Variants in CDH12 observed in about 807,000 individuals in gnomAD.
The protein encoded by CDH12 is cadherin-12.
A neutral mutation model predicts 74.1 loss-of-function variants in CDH12; 41 were observed. The ratio of observed to expected loss-of-function variants is 0.55; its 90% CI spans 0.43 to 0.72. The LOEUF (loss-of-function observed/expected upper bound fraction) is 0.72, where lower values mean the gene tolerates loss of function less well. CDH12 is among the 30% of genes least tolerant of loss of function. The pLI, the probability that CDH12 is intolerant of heterozygous loss-of-function variation, is 0.00. For missense variants in CDH12, 945 were observed against 977.2 expected (o/e 0.97, Z 0.44); for synonymous variants, 399 against 355.0 (o/e 1.12, Z -1.39).
At chr5:22,326,682 GT>G (rs1739122795) in intron 3 of CDH12, among the ~76,000 whole-genome samples, 1 of 152,148 alleles carries the variant, frequency 6.6e-6, no homozygotes, top group Non-Finnish European at 1.5e-5. Flanking sequence ...AGGAAGAAAT[GT>G]TTCCTTTCAC....
intron 3 of CDH12, among the ~76,000 whole-genome samples, chr5:22,224,359 G>C (rs540135192): frequency 6.6e-6 from 1 of 152,074 alleles, no homozygotes; most frequent in South Asian, 2.1e-4. Context: ...ATTATGATAT[G>C]AACAAACACA....
intron 2 of CDH12, among the ~76,000 whole-genome samples, chr5:22,419,297 T>TCAAGA (rs1743533878): frequency 6.6e-6 from 1 of 152,088 alleles, no homozygotes; most frequent in Non-Finnish European, 1.5e-5. Flanking sequence ...GTCTTGATGA[T>TCAAGA]CTCCCTTCCC....
intron 3 of CDH12, among the ~76,000 whole-genome samples, chr5:22,291,044 G>T (rs1454225025): frequency 1.3e-5 from 2 of 151,998 alleles, no homozygotes; most frequent in Non-Finnish European, 1.5e-5. Flanking sequence ...TTTATTCCAG[G>T]GATGCGAGGA....
chr5:22,533,449 G>T (rs1459955572), intron 1 of CDH12, among the ~76,000 whole-genome samples: 2 of 152,114 alleles, frequency 1.3e-5, no homozygotes, highest in Non-Finnish European at 2.9e-5. Flanking sequence ...CAAGAGACTT[G>T]TTTTCTATAT....
At chr5:21,944,991 T>C (rs2150094146) in intron 6 of CDH12, among the ~76,000 whole-genome samples, 1 of 152,188 alleles carries the variant, frequency 6.6e-6, no homozygotes, top group Non-Finnish European at 1.5e-5. Context: ...TAGGGAACCA[T>C]CTACGAAATA....
At chr5:22,278,463 C>A (rs1002646275) in intron 3 of CDH12, among the ~76,000 whole-genome samples, 2 of 152,010 alleles carry the variant, frequency 1.3e-5, no homozygotes, top group African/African-American at 4.8e-5. Context: ...TGCTGAGTTA[C>A]ACAAATGACA....
chr5:21,757,967 G>A (rs16888466), intron 13 of CDH12, among the ~76,000 whole-genome samples: 5,297 of 152,140 alleles, frequency 0.035, 112 homozygotes, highest in Middle Eastern at 0.071. Context: ...AATGACATCT[G>A]AACTAGTTTT....
intron 2 of CDH12, among the ~76,000 whole-genome samples, chr5:22,471,259 G>A (rs946967182): frequency 1.3e-5 from 2 of 152,030 alleles, no homozygotes; most frequent in Non-Finnish European, 2.9e-5. Context: ...CAATCGACAA[G>A]CTCTCTGCAG....
chr5:22,597,357 G>C (rs1561517844), intron 1 of CDH12, among the ~76,000 whole-genome samples: 1 of 152,096 alleles, frequency 6.6e-6, no homozygotes. Context: ...ATTTTAACCA[G>C]GCTCCACATA....
intron 4 of CDH12, among the ~76,000 whole-genome samples, chr5:22,177,054 T>C (rs1580361209): frequency 6.6e-6 from 1 of 152,200 alleles, no homozygotes; most frequent in Non-Finnish European, 1.5e-5. Flanking sequence ...GTATTTATGA[T>C]AACCTGACAT....
intron 7 of CDH12, among the ~76,000 whole-genome samples, chr5:21,848,190 G>C (rs188618552): frequency 6.6e-6 from 1 of 152,158 alleles, no homozygotes; most frequent in East Asian, 1.9e-4. Flanking sequence ...GGGTATTATA[G>C]CTATTGTATC....
intron 3 of CDH12, among the ~76,000 whole-genome samples, chr5:22,338,575 T>A (rs921185415): frequency 2.6e-5 from 4 of 152,242 alleles, no homozygotes; most frequent in African/African-American, 9.6e-5. Flanking sequence ...AACTAAAAGT[T>A]TTTTTGTAAC....
intron 2 of CDH12, among the ~76,000 whole-genome samples, chr5:22,492,683 A>G (rs1746931884): frequency 6.6e-6 from 1 of 152,014 alleles, no homozygotes; most frequent in Admixed American, 6.6e-5. Flanking sequence ...TTGTTTATTC[A>G]TTCCTCTATG....
intron 1 of CDH12, among the ~76,000 whole-genome samples, chr5:22,794,855 T>C (rs796403341): frequency 2.6e-5 from 4 of 152,228 alleles, no homozygotes; most frequent in African/African-American, 9.6e-5. Context: ...ACAAGTGTTC[T>C]AATAAAAGAA....
intron 1 of CDH12, among the ~76,000 whole-genome samples, chr5:22,566,033 A>G (rs1302018719): frequency 6.6e-6 from 1 of 152,060 alleles, no homozygotes; most frequent in African/African-American, 2.4e-5. Context: ...AATTTTCCCT[A>G]TTTGTGAATT....
At chr5:22,003,527 C>T (rs1462738569) in intron 5 of CDH12, among the ~76,000 whole-genome samples, 1 of 152,156 alleles carries the variant, frequency 6.6e-6, no homozygotes, top group Admixed American at 6.5e-5. Context: ...ATGGAAATTA[C>T]GTTTTGAAAG....
intron 5 of CDH12, among the ~76,000 whole-genome samples, chr5:22,008,761 A>T (rs554024787): frequency 2.1e-3 from 327 of 152,196 alleles, no homozygotes; most frequent in Non-Finnish European, 3.5e-3. Context: ...CATGTCCCAG[A>T]TATCTGGGAT....
At chr5:22,038,903 C>CTAG (rs1289536491) in intron 5 of CDH12, among the ~76,000 whole-genome samples, 2 of 152,164 alleles carry the variant, frequency 1.3e-5, no homozygotes, top group Admixed American at 6.5e-5. Flanking sequence ...CCAAATGGTG[C>CTAG]TAGTACTCTG....
intron 2 of CDH12, among the ~76,000 whole-genome samples, chr5:22,415,563 T>C (rs1489400028): frequency 6.6e-6 from 1 of 152,216 alleles, no homozygotes; most frequent in Non-Finnish European, 1.5e-5. Flanking sequence ...TACTATTCAC[T>C]GAAGAAGCCC....
Sources: allele counts gnomAD v4.1 joint callset (sites outside exome capture counted in the v4.1 genomes callset), GRCh38; gene constraint gnomAD v4.1.1; transcripts MANE v1.5; gene names NCBI Gene and HGNC (gene_info 2026-07-23, HGNC 2026-07-21).